Variants in OCA2 observed in about 807,000 individuals in gnomAD.
OCA2 encodes the protein OCA2 melanosomal transmembrane protein, also known as P protein.
In OCA2, 77 loss-of-function variants were observed where a neutral mutation model predicts 100.2. That is an observed-to-expected ratio of 0.77 (90% CI 0.64 to 0.93). The LOEUF (loss-of-function observed/expected upper bound fraction) is 0.93, where lower values mean the gene tolerates loss of function less well. OCA2 is among the 40% of genes least tolerant of loss of function. The pLI, the probability that OCA2 is intolerant of heterozygous loss-of-function variation, is 0.00. For missense variants in OCA2, 1,062 were observed against 1,089.1 expected (o/e 0.98, Z 0.35); for synonymous variants, 432 against 439.2 (o/e 0.98, Z 0.21).
At chr15:27,882,624 C>T (rs549690593) in intron 19 of OCA2, among the ~76,000 whole-genome samples, 1 of 152,306 alleles carries the variant, frequency 6.6e-6, no homozygotes, top group Admixed American at 6.5e-5. Context: ...TCCTTTGGTA[C>T]TGTCTCCTGG....
At chr15:27,772,404 A>G (rs999506551) in intron 23 of OCA2, among the ~76,000 whole-genome samples, 4 of 152,178 alleles carry the variant, frequency 2.6e-5, no homozygotes, top group African/African-American at 9.7e-5. Flanking sequence ...CAATTAATGT[A>G]TTCTGGTCAA....
chr15:27,882,345 A>G (rs2037054491), intron 19 of OCA2, among the ~76,000 whole-genome samples: 1 of 152,190 alleles, frequency 6.6e-6, no homozygotes, highest in Non-Finnish European at 1.5e-5. Context: ...TACTGAACCC[A>G]TCAAGCAACT....
At chr15:28,070,684 G>A (rs1399959111) in intron 2 of OCA2, among the ~76,000 whole-genome samples, 27 of 148,416 alleles carry the variant, frequency 1.8e-4, no homozygotes, top group African/African-American at 5.6e-4. Context: ...CATTGAGAAC[G>A]GGCCAGGATG....
At chr15:27,752,334 G>A (rs1566934995), downstream of OCA2, among the ~76,000 whole-genome samples, 1 of 152,206 alleles carries the variant, frequency 6.6e-6, no homozygotes, top group South Asian at 2.1e-4. Flanking sequence ...TGGTTTCTTC[G>A]AGGTTGTCTT....
At chr15:28,061,361 G>T (rs2043867149) in intron 2 of OCA2, among the ~76,000 whole-genome samples, 1 of 152,064 alleles carries the variant, frequency 6.6e-6, no homozygotes. Context: ...ACACAACAAA[G>T]AATACAGACT....
At chr15:28,097,174 G>A (rs950355182) in intron 1 of OCA2, among the ~76,000 whole-genome samples, 1 of 152,230 alleles carries the variant, frequency 6.6e-6, no homozygotes, top group African/African-American at 2.4e-5. Flanking sequence ...GCCGGGCCGA[G>A]AGCACAGGCG....
intron 2 of OCA2, among the ~76,000 whole-genome samples, chr15:28,076,547 T>TA (rs1226587683): frequency 1.3e-5 from 2 of 151,834 alleles, no homozygotes; most frequent in Non-Finnish European, 2.9e-5. Flanking sequence ...ATCTTGCCTT[T>TA]AAAAAAAATA....
In OCA2 at chr15:27,987,201, CTGTT is replaced by C. The variant is rs544398176; in HGVS notation, c.1183-562_1183-559del. 7.2e-5 allele frequency among the ~76,000 whole-genome samples: 11 copies of C among 152,286 alleles called. No individual in the cohort carries two copies. In the South Asian group the frequency reaches 2.3e-3, roughly 32 times the overall value. ...CAGGTGAACCCAGAATGCCTATCAC[CTGTT>C]TCTTTCCAGTGAGGATGATGAGTTA... On this transcript the variant is annotated intron_variant, in intron 11 of 23. Transcript: ENST00000354638.
chr15:28,017,510 T>A (rs1056048813), intron 7 of OCA2, among the ~76,000 whole-genome samples: 1 of 152,196 alleles, frequency 6.6e-6, no homozygotes, highest in African/African-American at 2.4e-5. Context: ...GCTGTGCTTT[T>A]CACACAGGGA....
At chr15:27,927,964 G>C (rs1480222602) in intron 18 of OCA2, among the ~76,000 whole-genome samples, 6 of 151,642 alleles carry the variant, frequency 4.0e-5, no homozygotes, top group South Asian at 2.1e-4. Flanking sequence ...GCTAATTTTT[G>C]TATTTTCAGT....
chr15:28,067,059 T>C (rs1381387913), intron 2 of OCA2, among the ~76,000 whole-genome samples: 1 of 152,216 alleles, frequency 6.6e-6, no homozygotes, highest in African/African-American at 2.4e-5. Flanking sequence ...ATGTATAAAA[T>C]CAAGCTGTAA....
intron 17 of OCA2, among the ~76,000 whole-genome samples, chr15:27,953,700 C>A (rs2140645424): frequency 6.6e-6 from 1 of 152,012 alleles, no homozygotes; most frequent in Admixed American, 6.5e-5. Flanking sequence ...GGGTATCATT[C>A]AAATTTGCTC....
the OCA2 span, among the ~76,000 whole-genome samples, chr15:27,749,797 G>A: frequency 2.0e-4 from 30 of 152,228 alleles, no homozygotes; most frequent in African/African-American, 6.3e-4. Flanking sequence ...GGTTATGCAC[G>A]CTGAAAATTG....
intron 8 of OCA2, 32 bp downstream of exon 8, chr15:28,016,072 C>T: frequency 6.3e-7 from 1 of 1,576,410 alleles, no homozygotes. Flanking sequence ...CCCAGAGAGC[C>T]TGCCCCAACA....
chr15:27,970,548 C>T (rs2040742175), intron 14 of OCA2, among the ~76,000 whole-genome samples: 1 of 151,392 alleles, frequency 6.6e-6, no homozygotes, highest in African/African-American at 2.4e-5. Flanking sequence ...AAAGAATGTC[C>T]CAGCACGCAC....
intron 23 of OCA2, among the ~76,000 whole-genome samples, chr15:27,796,047 C>T (rs1360692534): frequency 1.3e-5 from 2 of 152,230 alleles, no homozygotes; most frequent in African/African-American, 4.8e-5. Flanking sequence ...TTGTGCACCA[C>T]TACCAGCCTG....
At chr15:27,881,152 T>C (rs1187251129) in intron 19 of OCA2, among the ~76,000 whole-genome samples, 1 of 152,220 alleles carries the variant, frequency 6.6e-6, no homozygotes, top group African/African-American at 2.4e-5. Context: ...ATTTATGTGA[T>C]GGATTACATT....
chr15:27,871,245 TC>T lies in OCA2; in HGVS notation c.2152del (p.Glu718SerfsTer5). On this transcript the variant is annotated frameshift_variant, in exon 21 of 24. Coordinates refer to ENST00000354638, the MANE Select transcript of OCA2 (RefSeq NM_000275.3). LOFTEE classifies it high-confidence loss of function. Reference protein sequence around the residue: ...TALLIKMVPEEQRLIAAIVLV... With the variant: ...TALLIKMVPEXQRLIAAIVLV... The stretch of plus-strand genomic sequence containing the variant: ...GACAATGGCGGCTATGAGGCGCTGC[TC>T]CTCTGGGACCATCTGGAAGGAGGAC... 2 of 1,613,934 alleles carry T rather than the reference TC, an allele frequency of 1.2e-6. No individual in the cohort carries two copies. Among genetic ancestry groups the T allele is most frequent in the Non-Finnish European group, 1.7e-6 (2 of 1,179,876 alleles).
intron 23 of OCA2, among the ~76,000 whole-genome samples, chr15:27,759,970 A>G (rs2030700292): frequency 1.3e-5 from 2 of 152,132 alleles, no homozygotes; most frequent in Non-Finnish European, 1.5e-5. Context: ...ATAAACATCA[A>G]CAAGTTTAAA....
Sources: allele counts gnomAD v4.1 joint callset (sites outside exome capture counted in the v4.1 genomes callset), GRCh38; gene constraint gnomAD v4.1.1; transcripts MANE v1.5; gene names NCBI Gene and HGNC (gene_info 2026-07-23, HGNC 2026-07-21).